Variants in KIFAP3 observed in about 807,000 individuals in gnomAD.
KIFAP3 encodes the protein kinesin associated protein 3.
KIFAP3 carries 68 observed loss-of-function variants against 106.5 expected under a neutral mutation model. The ratio of observed to expected loss-of-function variants is 0.64; its 90% confidence interval spans 0.53 to 0.78. The LOEUF is 0.78. KIFAP3 is among the 30% of genes least tolerant of loss of function. KIFAP3 has a pLI of 0.00. For synonymous variants in KIFAP3, 320 were observed against 311.5 expected, an observed-to-expected ratio of 1.03 and a Z score of -0.29; for missense variants, 780 against 941.8, an observed-to-expected ratio of 0.83 and a Z score of 2.25.
chr1:170,084,415 A>T (rs1264188866), intron 1 of KIFAP3, among the ~76,000 whole-genome samples: 1 of 152,244 alleles, frequency 6.6e-6, no homozygotes, highest in Non-Finnish European at 1.5e-5. Context: ...CTGCTGCTAT[A>T]TCAAATACAG....
At chr1:170,052,551 T>G (rs1415376390) in intron 2 of KIFAP3, among the ~76,000 whole-genome samples, 1 of 152,138 alleles carries the variant, frequency 6.6e-6, no homozygotes, top group Non-Finnish European at 1.5e-5. Context: ...AAAGAAAATT[T>G]CAGGCCAATT....
Position 169,984,510 on chromosome 1 carries a change from C to T in KIFAP3, c.1393+72G>A, listed in dbSNP as rs1190707031. ...TACATAATCATTATAATTCTTAATT[C>T]CTTATATCTATTTTCCATCATATAC... On this transcript the variant is annotated intron_variant, in intron 12 of 19. Transcript: ENST00000361580. The T allele has an allele frequency of 9.6e-6, 6 of 624,104 alleles. No individual in the cohort carries two copies. In the East Asian group the frequency reaches 1.4e-4, roughly 14 times the overall value. 38.7% of individuals were successfully genotyped at this position (624,104 alleles called of 1,614,324 possible).
intron 11 of KIFAP3, 79 bp from the exon 12 acceptor site, chr1:169,984,769 A>C (rs1666728030): frequency 8.3e-6 from 6 of 719,190 alleles, no homozygotes; most frequent in Admixed American, 2.2e-5. Flanking sequence ...TTTTATCATA[A>C]TGTGTTATCT....
At chr1:169,944,790 C>A (rs76741109) in intron 19 of KIFAP3, among the ~76,000 whole-genome samples, 1 of 152,156 alleles carries the variant, frequency 6.6e-6, no homozygotes, top group South Asian at 2.1e-4. Flanking sequence ...GTAATCCCCA[C>A]GTCTGTATGA....
intron 19 of KIFAP3, among the ~76,000 whole-genome samples, chr1:169,932,229 T>C (rs1473403297): frequency 6.6e-6 from 1 of 152,136 alleles, no homozygotes; most frequent in African/African-American, 2.4e-5. Flanking sequence ...GGAAAATGTT[T>C]CTGATGTTGA....
At chr1:170,003,820 T>C (rs904674065) in intron 10 of KIFAP3, among the ~76,000 whole-genome samples, 3 of 152,200 alleles carry the variant, frequency 2.0e-5, no homozygotes, top group Non-Finnish European at 4.4e-5. Flanking sequence ...TGCCCTCTCT[T>C]ACCACTCCAA....
Position 170,024,481 on chromosome 1 carries a change from C to G in KIFAP3, c.957G>C (p.Leu319=). ...VKALDRDNFE[L]LILVVSFLKK... is the part of the protein sequence containing the mutation. ...TCAAGAATGACACAACTAAAATTAG[C>G]AGCTCAAAATTGTCCCGATCAAGGG... The change falls in exon 9 of 20, where the codon CTG becomes CTC. Residue 319 remains leucine, a synonymous_variant. Transcript: ENST00000361580. 1 of 1,601,984 alleles carries G rather than the reference C, an allele frequency of 6.2e-7. No homozygotes were observed. Among genetic ancestry groups the G allele is most frequent in the Non-Finnish European group, 8.5e-7 (1 of 1,173,978 alleles).
At chr1:169,949,235 G>C (rs1040505458) in intron 19 of KIFAP3, among the ~76,000 whole-genome samples, 3 of 151,688 alleles carry the variant, frequency 2.0e-5, no homozygotes, top group Non-Finnish European at 4.4e-5. Context: ...AGTACTCTAA[G>C]AAAAGAAAAA....
At chr1:170,039,008 G>A (rs12123865) in intron 4 of KIFAP3, among the ~76,000 whole-genome samples, 9,591 of 152,220 alleles carry the variant, frequency 0.063, 387 homozygotes, top group Non-Finnish European at 0.095. Context: ...GCTTGAACCC[G>A]GGAGGCGGAG....
upstream of KIFAP3, among the ~76,000 whole-genome samples, chr1:170,075,622 A>G (rs1426059276): frequency 2.6e-5 from 4 of 152,200 alleles, no homozygotes; most frequent in Non-Finnish European, 4.4e-5. Flanking sequence ...AAATATAGAA[A>G]TACAGTCCTT....
upstream of KIFAP3, among the ~76,000 whole-genome samples, chr1:170,075,482 CCT>C (rs566290639): frequency 2.2e-4 from 34 of 152,300 alleles, no homozygotes; most frequent in Middle Eastern, 3.4e-3. Context: ...GTCTTCTAGT[CCT>C]GTTTTCCCAG....
chr1:170,046,101 G>A (rs528741911), intron 3 of KIFAP3, among the ~76,000 whole-genome samples: 2 of 147,364 alleles, frequency 1.4e-5, no homozygotes, highest in East Asian at 2.1e-4. Context: ...CTTCAGCCCA[G>A]TCCAAAACCC....
chr1:169,992,050 AAGAAG>A (rs1667131947), intron 11 of KIFAP3, 100 bp downstream of exon 11: 1 of 466,310 alleles, frequency 2.1e-6, no homozygotes, highest in Admixed American at 4.3e-5. Flanking sequence ...TAGTATTATT[AAGAAG>A]AGAACTTTTT....
At chr1:169,966,700 C>G (rs981801975) in intron 17 of KIFAP3, among the ~76,000 whole-genome samples, 8 of 104,136 alleles carry the variant, frequency 7.7e-5, no homozygotes. Flanking sequence ...TTTCTTAACT[C>G]TAACATCAAT....
intron 8 of KIFAP3, among the ~76,000 whole-genome samples, chr1:170,027,563 C>T (rs1010023149): frequency 6.6e-5 from 10 of 151,916 alleles, no homozygotes; most frequent in African/African-American, 2.4e-4. Context: ...AGACTATAAA[C>T]TAGATGAAAT....
Position 170,024,413 on chromosome 1 carries a change from G to A in KIFAP3, c.1020+5C>T. The stretch of plus-strand genomic sequence containing the variant: ...ACTATTTCAAGAAAAAGCTTTGTAA[G>A]TTACCATATCATTTTTATTCTCCAT... On this transcript the variant is annotated splice_donor_5th_base_variant and intron_variant, in intron 9 of 19. Coordinates refer to ENST00000361580, the MANE Select transcript of KIFAP3 (RefSeq NM_014970.4). 1 of 1,532,014 alleles carries A rather than the reference G, an allele frequency of 6.5e-7. No individual in the cohort carries two copies. The highest frequency in any genetic ancestry group is 1.3e-5 in the South Asian group (1 of 79,974). 94.9% of individuals were successfully genotyped at this position (1,532,014 alleles called of 1,614,324 possible).
chr1:169,928,200 A>C (rs1663251619), intron 19 of KIFAP3, among the ~76,000 whole-genome samples: 1 of 152,056 alleles, frequency 6.6e-6, no homozygotes, highest in African/African-American at 2.4e-5. Flanking sequence ...CCCAGGTTCA[A>C]GCAATTCTCC....
rs1445716897 is a variant in KIFAP3 at position 169,972,515 on chromosome 1, C to T, written c.1981G>A (p.Ala661Thr). The change falls in exon 17 of 20, where the codon GCG becomes ACG. Residue 661 changes from alanine to threonine, a missense_variant and splice_region_variant. Around this residue, in one of 3 missense-constraint regions of KIFAP3, gnomAD observed 78 missense variants for 140.6 expected, o/e 0.55. Coordinates refer to ENST00000361580, the MANE Select transcript of KIFAP3 (RefSeq NM_014970.4). ...KVCDNTLDIIAEYDEEWAKKI... is the reference protein window; with the variant it reads ...KVCDNTLDIITEYDEEWAKKI... The stretch of plus-strand genomic sequence containing the variant: ...GTGTAGAAAAAATAATTACTTACCG[C>T]TATAATATCTAATGTATTATCACAG... 7.4e-7 allele frequency: 1 copy of T among 1,348,232 alleles called. No homozygotes were observed. The highest frequency in any genetic ancestry group is 1.4e-5 in the African/African-American group (1 of 69,420). The allele number at this position is 1,348,232 out of a possible 1,614,324, so 83.5% of individuals were successfully genotyped here.
intron 2 of KIFAP3, among the ~76,000 whole-genome samples, chr1:170,047,157 TAA>T (rs1421619611): frequency 3.3e-5 from 5 of 152,140 alleles, no homozygotes. Flanking sequence ...ATAAAATATA[TAA>T]AGTCTTTAGC....
Sources: gnomAD v4.1 joint callset for allele counts (sites outside exome capture counted in the v4.1 genomes callset) on GRCh38, gnomAD v4.1.1 for gene constraint, gnomAD v4.1.1 regional missense constraint, MANE v1.5 for transcripts, NCBI Gene and HGNC (gene_info 2026-07-23, HGNC 2026-07-21) for gene names.